Variants in PCDHGA10 observed in about 807,000 individuals in gnomAD.
PCDHGA10 encodes protocadherin gamma subfamily A, 10.
Under a neutral mutation model 59.5 loss-of-function variants are expected in PCDHGA10, and 42 were observed. The ratio of observed to expected loss-of-function variants is 0.71; its 90% CI spans 0.55 to 0.91. The LOEUF is 0.91. Among genes scored for constraint, PCDHGA10 ranks in the 40% least tolerant of loss-of-function variants. PCDHGA10 has a pLI of 0.00. For synonymous variants in PCDHGA10, 511 were observed against 517.2 expected, an observed-to-expected ratio of 0.99 and a Z score of 0.16; for missense variants, 1,111 against 1,198.2, an observed-to-expected ratio of 0.93 and a Z score of 1.07.
In PCDHGA10 at chr5:141,511,402, A is replaced by C; in HGVS notation, c.*229A>C. On this transcript the variant is annotated 3_prime_UTR_variant, in exon 4 of 4. Transcript: ENST00000398610. Reference sequence around the variant, plus strand: ...TTCCGCTGGGAACCCCCATCCAATCAACTGCTGTACCCATGGGGGTAGTGG... The same window carrying C: ...TTCCGCTGGGAACCCCCATCCAATCCACTGCTGTACCCATGGGGGTAGTGG... The C allele has an allele frequency of 1.0e-6, 1 of 969,684 alleles. No individual in the cohort carries two copies. 60.1% of individuals were successfully genotyped at this position (969,684 alleles called of 1,614,324 possible).
At chr5:141,504,288 GT>G (rs1175142876) in intron 2 of PCDHGA10, among the ~76,000 whole-genome samples, 1 of 152,124 alleles carries the variant, frequency 6.6e-6, no homozygotes, top group Non-Finnish European at 1.5e-5. Flanking sequence ...ATCATTTCAT[GT>G]TTTTTCAACA....
At chr5:141,510,408 T>C (rs1447722710) in intron 3 of PCDHGA10, among the ~76,000 whole-genome samples, 1 of 151,878 alleles carries the variant, frequency 6.6e-6, no homozygotes, top group African/African-American at 2.4e-5. Flanking sequence ...GCTAGGGGCA[T>C]GTAAAGCCAT....
In PCDHGA10 at chr5:141,491,365, T is replaced by A. The variant is rs201011046; in HGVS notation, c.2437-3442T>A. ...CGTCAGTCTCTTATCCCTAGTCACC[T>A]TCACCTTTCTGTCAGCGAAGTGCCT... On this transcript the variant is annotated intron_variant, in intron 1 of 3. Transcript: ENST00000398610. This position sits in a 1 kb window ranked among gnomAD's most constrained non-coding sequence, Gnocchi z 6.9. 1.7e-5 allele frequency: 27 copies of A among 1,614,016 alleles called. No individual in the cohort carries two copies. The highest frequency in any genetic ancestry group is 2.0e-5 in the Non-Finnish European group (24 of 1,179,982).
chr5:141,470,123 C>T (rs368463710), intron 1 of PCDHGA10, among the ~76,000 whole-genome samples: 11 of 151,234 alleles, frequency 7.3e-5, no homozygotes, highest in Admixed American at 3.3e-4. Flanking sequence ...AGCAAGACTT[C>T]GTCTCAAAAA....
Position 141,431,704 on chromosome 5 carries a change from C to T in PCDHGA10, c.2436+16093C>T. On this transcript the variant is annotated intron_variant, in intron 1 of 3. Transcript: ENST00000398610. The surrounding 1 kb of genome is among the most constrained non-coding windows in gnomAD (Gnocchi z 4.8). ...TGGACCACGAGGAGTCAGGATTCTA[C>T]CAGATGGAAGTGCAAGCAATGGATA... 1 of 1,614,194 alleles carries T rather than the reference C, an allele frequency of 6.2e-7. No homozygotes were observed. The highest frequency in any genetic ancestry group is 8.5e-7 in the Non-Finnish European group (1 of 1,180,036).
intron 1 of PCDHGA10, among the ~76,000 whole-genome samples, chr5:141,453,288 ATTAT>A (rs577328880): frequency 4.0e-5 from 6 of 151,342 alleles, no homozygotes; most frequent in Admixed American, 1.3e-4. Context: ...TAATTTTTTA[ATTAT>A]TTATTTATTT....
At chr5:141,464,009 T>C (rs1187492781) in intron 1 of PCDHGA10, among the ~76,000 whole-genome samples, 1 of 151,950 alleles carries the variant, frequency 6.6e-6, no homozygotes. Context: ...CTCATGCTTG[T>C]AATCCCACAC....
At chr5:141,437,832 G>A (rs929534984) in intron 1 of PCDHGA10, among the ~76,000 whole-genome samples, 2 of 151,794 alleles carry the variant, frequency 1.3e-5, no homozygotes, top group Admixed American at 1.3e-4. Context: ...CTGCCTCCTG[G>A]GTTCATGCTA....
At chr5:141,494,783 C>G (rs2099756910) in intron 1 of PCDHGA10, 24 bp from the exon 2 acceptor site, 2 of 1,613,964 alleles carry the variant, frequency 1.2e-6, no homozygotes, top group Admixed American at 3.3e-5. Context: ...GTACTCAGCC[C>G]CTTTCCCTCT....
At position 141,477,754 on chromosome 5, in the gene PCDHGA10, C is replaced by T. The variant is rs1325020341; in HGVS notation, c.2437-17053C>T. The T allele has an allele frequency of 3.7e-6, 6 of 1,613,928 alleles. No homozygotes were observed. Among genetic ancestry groups the T allele is most frequent in the Non-Finnish European group, 5.1e-6 (6 of 1,180,046 alleles). On this transcript the variant is annotated intron_variant, in intron 1 of 3. Coordinates refer to ENST00000398610, the MANE Select transcript of PCDHGA10 (RefSeq NM_018913.3). The surrounding 1 kb of genome is among the most constrained non-coding windows in gnomAD (Gnocchi z 4.9). Reference sequence around the variant, plus strand: ...ATATCAGCGATGGGGGCACCCCGGTCCTAGCCACCAACATCAGCGTGAACA... The same window carrying T: ...ATATCAGCGATGGGGGCACCCCGGTTCTAGCCACCAACATCAGCGTGAACA...
chr5:141,471,564 T>C (rs1352708320), intron 1 of PCDHGA10: 1 of 152,184 alleles, frequency 6.6e-6, no homozygotes, highest in African/African-American at 2.4e-5. Context: ...GACTCAGGGG[T>C]AGCAGTAGAT....
intron 2 of PCDHGA10, among the ~76,000 whole-genome samples, chr5:141,505,172 A>C (rs1336105711): frequency 6.6e-6 from 1 of 152,178 alleles, no homozygotes; most frequent in Non-Finnish European, 1.5e-5. Context: ...AAACAAAAAG[A>C]AAAAAGCATC....
intron 1 of PCDHGA10, among the ~76,000 whole-genome samples, chr5:141,430,066 G>C (rs550834063): frequency 6.6e-6 from 1 of 151,984 alleles, no homozygotes; most frequent in Non-Finnish European, 1.5e-5. Flanking sequence ...TCATTTTTAG[G>C]TTTCCATAAT....
Position 141,413,431 on chromosome 5 carries a change from G to C in PCDHGA10, c.256G>C (p.Gly86Arg), listed in dbSNP as rs963192857. The C allele has an allele frequency of 6.2e-7, 1 of 1,614,092 alleles. No homozygotes were observed. The highest frequency in any genetic ancestry group is 8.5e-7 in the Non-Finnish European group (1 of 1,179,964). The stretch of plus-strand genomic sequence containing the variant: ...GCTTTTCTCTCTGAACCCGCGCAGC[G>C]GCAGCTTGATCACCGCGGGCAGGAT... ...TQLFSLNPRSGSLITAGRIDR... is the reference protein window; with the variant it reads ...TQLFSLNPRSRSLITAGRIDR... The change falls in exon 1 of 4, where the codon GGC becomes CGC. Residue 86 changes from glycine (G) to arginine (R), a missense_variant. Coordinates refer to ENST00000398610, the MANE Select transcript of PCDHGA10 (RefSeq NM_018913.3).
chr5:141,420,438 GC>G, intron 1 of PCDHGA10: 1 of 1,107,996 alleles, frequency 9.0e-7, no homozygotes, highest in Non-Finnish European at 1.2e-6. Flanking sequence ...TAAATTAAAT[GC>G]CTCAGTCTTC....
At chr5:141,462,781 G>C (rs893647456) in intron 1 of PCDHGA10, among the ~76,000 whole-genome samples, 1 of 152,102 alleles carries the variant, frequency 6.6e-6, no homozygotes, top group Non-Finnish European at 1.5e-5. Flanking sequence ...GTCATAATTT[G>C]TTGCTTATTT....
chr5:141,492,787 G>A (rs1308203463), intron 1 of PCDHGA10, among the ~76,000 whole-genome samples: 2 of 152,254 alleles, frequency 1.3e-5, no homozygotes, highest in Admixed American at 6.5e-5. Context: ...AGCCTCTATA[G>A]GACAGCAGGA....
At position 141,511,216 on chromosome 5, in the gene PCDHGA10, C is replaced by G. The variant is rs374915167; in HGVS notation, c.*43C>G. Reference sequence around the variant, plus strand: ...GAGCCACAGGGCGGCCTCTCCCCAACCAGCCCAGCTTCTCCTTACCTGCAC... The same window carrying G: ...GAGCCACAGGGCGGCCTCTCCCCAAGCAGCCCAGCTTCTCCTTACCTGCAC... On this transcript the variant is annotated 3_prime_UTR_variant, in exon 4 of 4. Coordinates refer to ENST00000398610, the MANE Select transcript of PCDHGA10 (RefSeq NM_018913.3). 4.2e-5 allele frequency: 68 copies of G among 1,608,004 alleles called. No individual in the cohort carries two copies. The highest frequency in any genetic ancestry group is 6.7e-5 in the East Asian group (3 of 44,538).
chr5:141,475,008 T>C (rs1292437400), intron 1 of PCDHGA10, among the ~76,000 whole-genome samples: 1 of 152,258 alleles, frequency 6.6e-6, no homozygotes, highest in Admixed American at 6.5e-5. Flanking sequence ...TGCAGAAAAG[T>C]TAAGGCTCTT....
Sources: allele counts gnomAD v4.1 joint callset (sites outside exome capture counted in the v4.1 genomes callset), GRCh38; gene constraint gnomAD v4.1.1; non-coding constraint Gnocchi (gnomAD v3.1); transcripts MANE v1.5; gene names NCBI Gene and HGNC (gene_info 2026-07-23, HGNC 2026-07-21).